The following TENM3 variants were observed in gnomAD, a reference collection of about 807,000 sequenced individuals.
TENM3 encodes the protein teneurin transmembrane protein 3.
Under a neutral mutation model 255.1 loss-of-function variants are expected in TENM3, and 63 were observed. That is an observed-to-expected ratio of 0.25 (90% CI 0.20 to 0.30). The LOEUF is 0.30. Among genes scored for constraint, TENM3 ranks in the 10% least tolerant of loss-of-function variants. The pLI is 1.00. For missense variants in TENM3, 2,929 were observed against 3,461.1 expected (o/e 0.85, Z 3.86); for synonymous variants, 1,306 against 1,322.3 (o/e 0.99, Z 0.27).
At chr4:182,696,249 G>A (rs1296426233) in intron 12 of TENM3, among the ~76,000 whole-genome samples, 2 of 152,116 alleles carry the variant, frequency 1.3e-5, no homozygotes, top group East Asian at 1.9e-4. Flanking sequence ...ATGAACTACT[G>A]TTGATAGTTT....
intron 12 of TENM3, among the ~76,000 whole-genome samples, chr4:182,693,888 A>G (rs1757191147): frequency 1.3e-5 from 2 of 152,204 alleles, no homozygotes; most frequent in Admixed American, 1.3e-4. Context: ...TTAAGTGTAA[A>G]TGAGACAAAG....
In TENM3 at chr4:182,272,683, G is replaced by C. The variant is rs191656560; in HGVS notation, c.-76+29207G>C. Among the ~76,000 whole-genome samples, 7 of 152,172 alleles carry C rather than the reference G, an allele frequency of 4.6e-5. No homozygotes were observed. In the East Asian group the frequency reaches 1.3e-3, roughly 29 times the overall value. On this transcript the variant is annotated intron_variant, in intron 1 of 27. Coordinates refer to ENST00000511685, the MANE Select transcript of TENM3 (RefSeq NM_001080477.4). ...ACTGAATATTATTTATTTGTTGAAC[G>C]TTTATGGAGCTTCTGGGGCTCTGAC... is the stretch of plus-strand genomic sequence containing the variant.
the TENM3 span, among the ~76,000 whole-genome samples, chr4:181,929,231 G>C: frequency 1.3e-5 from 2 of 152,112 alleles, no homozygotes; most frequent in African/African-American, 2.4e-5. Flanking sequence ...GACACAGACT[G>C]GCAAATTGAA....
intron 1 of TENM3, among the ~76,000 whole-genome samples, chr4:182,237,478 G>T (rs552092630): frequency 6.6e-6 from 1 of 151,354 alleles, no homozygotes; most frequent in South Asian, 2.1e-4. Context: ...CAGTTCTCCC[G>T]CTTCAGCCTC....
the TENM3 span, among the ~76,000 whole-genome samples, chr4:181,629,907 G>T: frequency 6.6e-6 from 1 of 152,206 alleles, no homozygotes; most frequent in African/African-American, 2.4e-5. Context: ...GTTTCAGAAG[G>T]AATGGTACCA....
chr4:181,508,171 C>CAG, the TENM3 span, among the ~76,000 whole-genome samples: 1 of 152,164 alleles, frequency 6.6e-6, no homozygotes, highest in South Asian at 2.1e-4. Context: ...ATTCAGCTGG[C>CAG]AGAGTGGAGT....
chr4:182,076,368 T>G, the TENM3 span, among the ~76,000 whole-genome samples: 1 of 151,996 alleles, frequency 6.6e-6, no homozygotes, highest in African/African-American at 2.4e-5. Context: ...CACGCCCAGC[T>G]TATTTTTGTA....
At chr4:182,598,475 G>GT (rs1747502590) in intron 3 of TENM3, among the ~76,000 whole-genome samples, 3 of 152,280 alleles carry the variant, frequency 2.0e-5, no homozygotes, top group African/African-American at 7.2e-5. Flanking sequence ...CCTAAGGAAA[G>GT]CAGCAGCTGC....
At chr4:182,613,261 T>C (rs920523735) in intron 4 of TENM3, among the ~76,000 whole-genome samples, 4 of 152,176 alleles carry the variant, frequency 2.6e-5, no homozygotes, top group East Asian at 1.9e-4. Context: ...TATGAAAACA[T>C]GTAAGAATAT....
chr4:181,879,727 C>T, the TENM3 span, among the ~76,000 whole-genome samples: 1 of 152,120 alleles, frequency 6.6e-6, no homozygotes, highest in Non-Finnish European at 1.5e-5. Context: ...GGAGAAGCCC[C>T]AGATGTGACT....
At chr4:182,517,537 C>A (rs1269269004) in intron 3 of TENM3, among the ~76,000 whole-genome samples, 4 of 146,816 alleles carry the variant, frequency 2.7e-5, no homozygotes, top group South Asian at 2.2e-4. Flanking sequence ...GCGCCCGCTA[C>A]CACGCCCGGC....
At chr4:182,257,453 T>C (rs1404834666) in intron 1 of TENM3, among the ~76,000 whole-genome samples, 1 of 152,190 alleles carries the variant, frequency 6.6e-6, no homozygotes, top group East Asian at 1.9e-4. Context: ...GTCATGGCGT[T>C]ACTGTCTCTA....
chr4:181,659,263 A>G, the TENM3 span, among the ~76,000 whole-genome samples: 4 of 152,156 alleles, frequency 2.6e-5, no homozygotes, highest in Non-Finnish European at 4.4e-5. Flanking sequence ...TATCCTATAA[A>G]TAAACAAGAA....
At chr4:182,269,534 G>A (rs904506336) in intron 1 of TENM3, among the ~76,000 whole-genome samples, 1 of 152,080 alleles carries the variant, frequency 6.6e-6, no homozygotes, top group South Asian at 2.1e-4. Flanking sequence ...GCCCCTCCCT[G>A]TACAGGCCCC....
chr4:181,511,642 A>G, the TENM3 span, among the ~76,000 whole-genome samples: 21 of 152,230 alleles, frequency 1.4e-4, no homozygotes, highest in Admixed American at 2.6e-4. Flanking sequence ...ACATTCATTT[A>G]TTTATTTACA....
intron 2 of TENM3, among the ~76,000 whole-genome samples, chr4:182,341,342 A>G (rs1764477437): frequency 6.6e-6 from 1 of 152,206 alleles, no homozygotes; most frequent in Admixed American, 6.5e-5. Flanking sequence ...TTTCTAAATG[A>G]CCCATTATAA....
the TENM3 span, among the ~76,000 whole-genome samples, chr4:181,486,141 C>T: frequency 1.3e-5 from 2 of 152,136 alleles, no homozygotes. Context: ...CTTGACAATA[C>T]ACCAAATTCA....
rs370873871 is a variant in TENM3, at chr4:182,222,950, A to C, written c.-76+78196A>C. 7.9e-5 allele frequency among the ~76,000 whole-genome samples: 12 copies of C among 152,244 alleles called. No individual in the cohort carries two copies. The South Asian group carries it at 2.3e-3, about 29-fold the overall frequency. On this transcript the variant is annotated intron_variant, in intron 1 of 2. Transcript: ENST00000512480. ...CTGAATCCAGCCATCCTTTGGAGAG[A>C]GTCAAGCATGGTTTATCTTCTGGAC...
At chr4:182,764,554 T>G (rs1241433473) in intron 22 of TENM3, among the ~76,000 whole-genome samples, 2 of 152,130 alleles carry the variant, frequency 1.3e-5, no homozygotes, top group African/African-American at 4.8e-5. Flanking sequence ...AGATCAGTGT[T>G]GCAAGTTGTG....
Sources: gnomAD v4.1 joint callset for allele counts (sites outside exome capture counted in the v4.1 genomes callset) on GRCh38, gnomAD v4.1.1 for gene constraint, MANE v1.5 for transcripts, NCBI Gene and HGNC (gene_info 2026-07-23, HGNC 2026-07-21) for gene names.